PGM3: variants seen among roughly 807,000 people sequenced by gnomAD.
The protein encoded by PGM3 is phosphoglucomutase 3.
Under a neutral mutation model 66.2 loss-of-function variants are expected in PGM3, and 40 were observed. The ratio of observed to expected loss-of-function variants is 0.60; its 90% CI spans 0.47 to 0.79. The LOEUF is 0.79. Among genes scored for constraint, PGM3 ranks in the 30% least tolerant of loss-of-function variants. The probability of loss-of-function intolerance (pLI) is 0.00; values close to 1 mark genes in which losing one functional copy is unlikely to be tolerated. For missense variants in PGM3, 537 were observed against 643.4 expected (o/e 0.83, Z 1.79); for synonymous variants, 191 against 224.2 (o/e 0.85, Z 1.32).
At chr6:83,152,643 G>A in the PGM3 span, among the ~76,000 whole-genome samples, 1 of 133,682 alleles carries the variant, frequency 7.5e-6, no homozygotes, top group Non-Finnish European at 1.6e-5. Flanking sequence ...TTTTGAGACA[G>A]TTTCACTCTT....
At chr6:83,149,401 T>A in the PGM3 span, among the ~76,000 whole-genome samples, 1 of 152,194 alleles carries the variant, frequency 6.6e-6, no homozygotes, top group Non-Finnish European at 1.5e-5. Context: ...CCCCAGTAAA[T>A]ACTTGGTAAG....
chr6:83,157,800 G>A (rs993397163), downstream of PGM3, among the ~76,000 whole-genome samples: 2 of 151,948 alleles, frequency 1.3e-5, no homozygotes, highest in African/African-American at 2.4e-5. Context: ...CCTACCAAAC[G>A]GTAAAACCTT....
intron 1 of PGM3, among the ~76,000 whole-genome samples, chr6:83,191,958 C>CAAAAAAAAAAAAAAAAAAAAAA (rs1219337174): frequency 2.5e-5 from 1 of 39,364 alleles, no homozygotes; most frequent in Admixed American, 3.2e-4. Context: ...GACTCGGTCT[C>CAAAAAAAAAAAAAAAAAAAAAA]AAAAAAAAAA....
chr6:83,186,642 G>A (rs974683069), intron 4 of PGM3, among the ~76,000 whole-genome samples: 2 of 152,166 alleles, frequency 1.3e-5, no homozygotes, highest in Non-Finnish European at 2.9e-5. Context: ...TGATTTCACA[G>A]GGAACCAGCT....
chr6:83,185,340 C>T (rs1788498574), intron 4 of PGM3, among the ~76,000 whole-genome samples: 2 of 152,218 alleles, frequency 1.3e-5, no homozygotes, highest in South Asian at 4.1e-4. Context: ...TTCAGTTATA[C>T]ACACAAGCAC....
At chr6:83,182,433 T>C (rs1359372102) in intron 5 of PGM3, among the ~76,000 whole-genome samples, 1 of 152,236 alleles carries the variant, frequency 6.6e-6, no homozygotes, top group Admixed American at 6.5e-5. Context: ...TACTCAATAT[T>C]TGTTGATCAA....
At chr6:83,182,386 C>T (rs1479095170) in intron 5 of PGM3, among the ~76,000 whole-genome samples, 1 of 152,144 alleles carries the variant, frequency 6.6e-6, no homozygotes, top group Non-Finnish European at 1.5e-5. Context: ...TCTATGAGAG[C>T]AAGGGCTTTT....
chr6:83,175,985 A>T lies in PGM3; in HGVS notation c.1105T>A (p.Phe369Ile), dbSNP rs746791410. 6.2e-7 allele frequency: 1 copy of T among 1,610,942 alleles called. No individual in the cohort carries two copies. The highest frequency in any genetic ancestry group is 1.7e-5 in the Admixed American group (1 of 60,024). The stretch of plus-strand genomic sequence containing the variant: ...ACAGTGCCATGCCCATTTGCTTCAA[A>T]ATAAACTCCAATGTCAAACTCTTGA... ...KAQEFDIGVY[F>I]EANGHGTALF... Residue 369 changes from phenylalanine (F) to isoleucine (I), a missense_variant, in exon 9 of 13, where the codon TTT becomes ATT. By Grantham distance (21) the Phe-to-Ile change is conservative. Coordinates refer to ENST00000513973, the MANE Select transcript of PGM3 (RefSeq NM_015599.3).
the PGM3 span, chr6:83,148,800 T>C: frequency 6.4e-7 from 1 of 1,563,570 alleles, no homozygotes; most frequent in African/African-American, 1.4e-5. Flanking sequence ...GCGTCACTGT[T>C]GATACTTCTG....
chr6:83,191,004 T>C lies in PGM3; in HGVS notation c.9A>G (p.Leu3=), dbSNP rs1583298880. The C allele has an allele frequency of 6.2e-7, 1 of 1,612,070 alleles. No individual in the cohort carries two copies. Among genetic ancestry groups the C allele is most frequent in the East Asian group, 2.2e-5 (1 of 44,874 alleles). ...ATGCTGAGTATTTTGTAATAGCACC[T>C]AAATCCATGTCTACAAAATTAAGAA... The part of the protein sequence containing the change: MD[L]GAITKYSALH... Residue 3 remains leucine (L), a synonymous_variant, in exon 2 of 13, where the codon TTA becomes TTG. Coordinates refer to ENST00000513973, the MANE Select transcript of PGM3 (RefSeq NM_015599.3).
At chr6:83,160,871 T>A (rs184111777), downstream of PGM3, among the ~76,000 whole-genome samples, 1 of 152,234 alleles carries the variant, frequency 6.6e-6, no homozygotes, top group East Asian at 1.9e-4. Flanking sequence ...GCTCCAAAAT[T>A]TGCTATTTTA....
At chr6:83,155,036 AGTT>A in the PGM3 span, among the ~76,000 whole-genome samples, 1 of 152,204 alleles carries the variant, frequency 6.6e-6, no homozygotes, top group Non-Finnish European at 1.5e-5. Context: ...AAATTTTAAA[AGTT>A]GTGAAGGAAA....
At position 83,168,152 on chromosome 6, in the gene PGM3, G is replaced by A. The variant is rs1786309890; in HGVS notation, c.*1082C>T. 2 of 1,612,082 alleles carry A rather than the reference G, an allele frequency of 1.2e-6. No individual in the cohort carries two copies. Among genetic ancestry groups the A allele is most frequent in the East Asian group, 2.2e-5 (1 of 44,852 alleles). ...TGGTAGAAAAAGATTTTCTGGAAGG[G>A]ATGATAAAAACTTGAGCACCATTGC... On this transcript the variant is annotated 3_prime_UTR_variant, in exon 13 of 13. Transcript: ENST00000513973.
chr6:83,166,325 G>T lies in PGM3; in HGVS notation c.*2909C>A, dbSNP rs1030158071. 1 of 663,034 alleles carries T rather than the reference G, an allele frequency of 1.5e-6. No individual in the cohort carries two copies. Among genetic ancestry groups the T allele is most frequent in the Non-Finnish European group, 2.7e-6 (1 of 366,472 alleles). The allele number at this position is 663,034 out of a possible 1,614,324, so 41.1% of individuals were successfully genotyped here. A position where few individuals can be genotyped will look rare whatever the true frequency, so the allele number is the denominator to read the frequency against. ...CAATTGGTCATTATCAATTTCCGATGACTGGCCACTGCACTCCTCATCTTC... is the reference window on the plus strand; with the variant it reads ...CAATTGGTCATTATCAATTTCCGATTACTGGCCACTGCACTCCTCATCTTC... On this transcript the variant is annotated 3_prime_UTR_variant, in exon 13 of 13. Coordinates refer to ENST00000513973, the MANE Select transcript of PGM3 (RefSeq NM_015599.3).
the PGM3 span, chr6:83,152,333 T>C: frequency 6.4e-7 from 1 of 1,563,048 alleles, no homozygotes; most frequent in Non-Finnish European, 8.6e-7. Flanking sequence ...ACTCCTTCTG[T>C]ATATAGTGTC....
downstream of PGM3, among the ~76,000 whole-genome samples, chr6:83,162,166 G>A (rs1046515886): frequency 1.3e-5 from 2 of 152,118 alleles, no homozygotes; most frequent in Non-Finnish European, 2.9e-5. Flanking sequence ...TGACAACATT[G>A]ATGAATCCTA....
At chr6:83,184,769 G>A (rs1021157609) in intron 4 of PGM3, among the ~76,000 whole-genome samples, 3 of 152,154 alleles carry the variant, frequency 2.0e-5, no homozygotes, top group Non-Finnish European at 2.9e-5. Context: ...GTGACAAACA[G>A]AGGGACTGGC....
rs574271935 is a variant in PGM3 at position 83,182,811 on chromosome 6, GTTTAAC to G, written c.591+28_591+33del. The G allele has an allele frequency of 3.0e-4, 486 of 1,594,194 alleles. 9 individuals carry two copies. The South Asian group carries it at 3.9e-3, about 13-fold the overall frequency. Reference sequence around the variant, plus strand: ...GTAGACCATGTTACTTTATTCATTTGTTTAACTTTAACCATGTTCAATAAACTTTTC... The same window carrying G: ...GTAGACCATGTTACTTTATTCATTTGTTTAACCATGTTCAATAAACTTTTC... On this transcript the variant is annotated intron_variant, in intron 5 of 12. Transcript: ENST00000513973.
chr6:83,179,575 G>T (rs1653167646), intron 7 of PGM3, among the ~76,000 whole-genome samples: 1 of 152,096 alleles, frequency 6.6e-6, no homozygotes, highest in South Asian at 2.1e-4. Context: ...ACTTCCTAAA[G>T]CTTCAAATCA....
Sources: gnomAD v4.1 joint callset for allele counts (sites outside exome capture counted in the v4.1 genomes callset) on GRCh38, gnomAD v4.1.1 for gene constraint, MANE v1.5 for transcripts, NCBI Gene and HGNC (gene_info 2026-07-23, HGNC 2026-07-21) for gene names.